Variants in DNAJC1 observed in about 807,000 individuals in gnomAD.
DNAJC1 encodes the protein DnaJ heat shock protein family (Hsp40) member C1.
A neutral mutation model predicts 76.6 loss-of-function variants in DNAJC1; 58 were observed. That is an observed-to-expected ratio of 0.76 (90% confidence interval 0.61 to 0.94). DNAJC1 has a LOEUF of 0.94. Among genes scored for constraint, DNAJC1 ranks in the 40% least tolerant of loss-of-function variants. The pLI is 0.00. For synonymous variants in DNAJC1, 258 were observed against 267.9 expected (o/e 0.96, Z 0.36); for missense variants, 689 against 677.3 (o/e 1.02, Z -0.19).
intron 1 of DNAJC1, among the ~76,000 whole-genome samples, chr10:21,966,049 A>T (rs2666759): frequency 0.73 from 110,456 of 152,054 alleles, 40,380 homozygotes; most frequent in East Asian, 0.96. Flanking sequence ...CTTGATCTTG[A>T]CACTTCTAAA....
intron 8 of DNAJC1, among the ~76,000 whole-genome samples, chr10:21,873,633 A>C (rs1460848372): frequency 6.6e-6 from 1 of 152,206 alleles, no homozygotes; most frequent in South Asian, 2.1e-4. Flanking sequence ...TTAGGGATGA[A>C]ATAAAATAAC....
intron 8 of DNAJC1, among the ~76,000 whole-genome samples, chr10:21,815,817 C>G (rs958647175): frequency 6.6e-6 from 1 of 151,558 alleles, no homozygotes; most frequent in South Asian, 2.1e-4. Flanking sequence ...GTGAACTTGG[C>G]GCACTACAAC....
At chr10:21,921,429 C>G (rs1315771198) in intron 3 of DNAJC1, among the ~76,000 whole-genome samples, 3 of 151,934 alleles carry the variant, frequency 2.0e-5, no homozygotes, top group Non-Finnish European at 4.4e-5. Context: ...ATGTCTACCC[C>G]TAAACTACGG....
chr10:21,893,558 C>T (rs963254467), intron 7 of DNAJC1, among the ~76,000 whole-genome samples: 13 of 148,938 alleles, frequency 8.7e-5, no homozygotes, highest in African/African-American at 2.7e-4. Context: ...ACCCAGGGGG[C>T]GGAGGTTGCA....
intron 9 of DNAJC1, among the ~76,000 whole-genome samples, chr10:21,797,300 T>G (rs540208420): frequency 6.6e-6 from 1 of 152,168 alleles, no homozygotes; most frequent in Non-Finnish European, 1.5e-5. Context: ...GTTCCCTTGG[T>G]CTATGTGTCT....
intron 1 of DNAJC1, among the ~76,000 whole-genome samples, chr10:21,941,727 T>C (rs1487888186): frequency 6.6e-6 from 1 of 152,160 alleles, no homozygotes. Flanking sequence ...TATGTGTCTG[T>C]AGGTATTCTT....
At position 21,806,995 on chromosome 10, in the gene DNAJC1, A is replaced by G. The variant is rs16921921; in HGVS notation, c.979-896T>C. ...AATAAATTATTATCAAACAACAAAT[A>G]ACCACGTTACAATTATTTCACATTA... On this transcript the variant is annotated intron_variant, in intron 8 of 11. Transcript: ENST00000376980. 1.3e-3 allele frequency among the ~76,000 whole-genome samples: 201 copies of G among 152,296 alleles called. 4 individuals carry two copies. In the East Asian group the frequency reaches 0.034, roughly 25 times the overall value.
chr10:21,855,960 G>A (rs956980666), intron 8 of DNAJC1, among the ~76,000 whole-genome samples: 5 of 152,036 alleles, frequency 3.3e-5, no homozygotes, highest in African/African-American at 4.8e-5. Flanking sequence ...ATAACCTGAC[G>A]AAAAGCAGAA....
At chr10:21,908,560 TTA>T (rs1836798180) in intron 6 of DNAJC1, among the ~76,000 whole-genome samples, 1 of 149,016 alleles carries the variant, frequency 6.7e-6, no homozygotes, top group Non-Finnish European at 1.5e-5. Context: ...GCACAAAAAC[TTA>T]TTTGGGTCCA....
chr10:21,839,374 A>C (rs1835531436), intron 8 of DNAJC1, among the ~76,000 whole-genome samples: 1 of 152,240 alleles, frequency 6.6e-6, no homozygotes, highest in African/African-American at 2.4e-5. Flanking sequence ...TAAGAAGAAA[A>C]GACAGAAGAA....
At chr10:21,803,533 C>T (rs1177117322) in intron 9 of DNAJC1, among the ~76,000 whole-genome samples, 1 of 151,718 alleles carries the variant, frequency 6.6e-6, no homozygotes, top group Non-Finnish European at 1.5e-5. Flanking sequence ...ATTTACAAGT[C>T]ATCCCTGTGA....
chr10:21,884,058 A>G (rs1168350970), intron 7 of DNAJC1, among the ~76,000 whole-genome samples: 1 of 152,174 alleles, frequency 6.6e-6, no homozygotes, highest in Non-Finnish European at 1.5e-5. Flanking sequence ...CTTAAAATCT[A>G]CTTGTACTAT....
At chr10:21,842,272 T>C (rs1590009924) in intron 8 of DNAJC1, among the ~76,000 whole-genome samples, 1 of 148,622 alleles carries the variant, frequency 6.7e-6, no homozygotes, top group South Asian at 2.1e-4. Flanking sequence ...AAAAACCTCA[T>C]GTGAGAGAAG....
At chr10:21,943,437 C>T (rs1837453513) in intron 1 of DNAJC1, among the ~76,000 whole-genome samples, 1 of 152,192 alleles carries the variant, frequency 6.6e-6, no homozygotes, top group Non-Finnish European at 1.5e-5. Flanking sequence ...CACATATTTG[C>T]TTTACCTTCC....
chr10:21,831,203 G>T (rs1308699628), intron 8 of DNAJC1, among the ~76,000 whole-genome samples: 1 of 152,088 alleles, frequency 6.6e-6, no homozygotes, highest in Non-Finnish European at 1.5e-5. Context: ...CCTCTGTCAG[G>T]TGCCCAGAGA....
chr10:21,965,810 T>A (rs1010268438), intron 1 of DNAJC1, among the ~76,000 whole-genome samples: 1 of 152,210 alleles, frequency 6.6e-6, no homozygotes, highest in African/African-American at 2.4e-5. Context: ...GTAGTAGCTG[T>A]ACTTTCACCA....
At chr10:21,888,473 A>G (rs1199692085) in intron 7 of DNAJC1, among the ~76,000 whole-genome samples, 1 of 152,200 alleles carries the variant, frequency 6.6e-6, no homozygotes, top group Non-Finnish European at 1.5e-5. Context: ...TAGCAAAGAC[A>G]TGGAATCAAC....
intron 1 of DNAJC1, among the ~76,000 whole-genome samples, chr10:21,956,788 T>A (rs910514051): frequency 4.1e-5 from 6 of 147,416 alleles, no homozygotes; most frequent in Non-Finnish European, 7.4e-5. Context: ...AAAAAACAGA[T>A]GCAGTTAAAA....
At chr10:21,828,531 T>C (rs911793712) in intron 8 of DNAJC1, among the ~76,000 whole-genome samples, 12 of 152,178 alleles carry the variant, frequency 7.9e-5, no homozygotes, top group Non-Finnish European at 1.6e-4. Flanking sequence ...ACATACTTGA[T>C]TATGACAGAC....
Sources: allele counts gnomAD v4.1 joint callset (sites outside exome capture counted in the v4.1 genomes callset), GRCh38; gene constraint gnomAD v4.1.1; transcripts MANE v1.5; gene names NCBI Gene and HGNC (gene_info 2026-07-23, HGNC 2026-07-21).